The following DDX54 variants were observed in gnomAD, a reference collection of about 807,000 sequenced individuals.
DDX54 encodes the protein ATP-dependent RNA helicase DDX54.
A neutral mutation model predicts 105.5 loss-of-function variants in DDX54; 67 were observed. The observed-to-expected ratio is 0.64, with a 90% CI of 0.52 to 0.78. DDX54 has a LOEUF of 0.78. DDX54 is among the 30% of genes least tolerant of loss of function. The pLI is 0.00. For missense variants in DDX54, 1,206 were observed against 1,230.5 expected, an observed-to-expected ratio of 0.98 and a Z score of 0.30; for synonymous variants, 514 against 509.9, an observed-to-expected ratio of 1.01 and a Z score of -0.11.
At chr12:113,171,801 G>C (rs1952343001) in intron 11 of DDX54, among the ~76,000 whole-genome samples, 1 of 152,110 alleles carries the variant, frequency 6.6e-6, no homozygotes, top group African/African-American at 2.4e-5. Context: ...GAGCAATGGG[G>C]GACAGTGATC....
chr12:113,180,067 A>C, intron 2 of DDX54, 62 bp from the exon 3 acceptor site: 1 of 1,488,300 alleles, frequency 6.7e-7, no homozygotes, highest in Non-Finnish European at 9.4e-7. Context: ...ACCCCAGAGA[A>C]CTTTACAGGA....
chr12:113,163,939 G>A lies in DDX54; in HGVS notation c.1938+128C>T, dbSNP rs771053168. ...ACAAGAACCATGCCCCGACTCTGCA[G>A]ATGGGAAGCTGACTGCATCCACCTC... On this transcript the variant is annotated intron_variant, in intron 15 of 19. Transcript: ENST00000306014. The surrounding 1 kb of genome is among the most constrained non-coding windows in gnomAD (Gnocchi z 5.9). The A allele has an allele frequency of 9.1e-6, 13 of 1,422,598 alleles. No homozygotes were observed. The highest frequency in any genetic ancestry group is 1.2e-5 in the Non-Finnish European group (13 of 1,087,990). 88.1% of individuals were successfully genotyped at this position (1,422,598 alleles called of 1,614,324 possible). A position where few individuals can be genotyped will look rare whatever the true frequency, so the allele number is the denominator to read the frequency against.
chr12:113,163,236 C>T lies in DDX54; in HGVS notation c.1977G>A (p.Arg659=), dbSNP rs765185495. The T allele has an allele frequency of 6.2e-7, 1 of 1,611,184 alleles. No individual in the cohort carries two copies. The highest frequency in any genetic ancestry group is 1.1e-5 in the South Asian group (1 of 91,084). ...FSEVVGRKRQ[R]SGPNRGAKRR... Reference sequence around the variant, plus strand: ...TCTTGGCTCCCCTGTTGGGTCCTGACCGCTGCCGCTTCCGGCCCACGACCT... The same window carrying T: ...TCTTGGCTCCCCTGTTGGGTCCTGATCGCTGCCGCTTCCGGCCCACGACCT... The change falls in exon 16 of 20, where the codon CGG becomes CGA. Residue 659 remains arginine (R), a synonymous_variant. Transcript: ENST00000306014. This position sits in a 1 kb window ranked among gnomAD's most constrained non-coding sequence, Gnocchi z 5.9.
intron 11 of DDX54, among the ~76,000 whole-genome samples, chr12:113,170,124 C>T (rs541598980): frequency 6.6e-6 from 1 of 152,326 alleles, no homozygotes; most frequent in South Asian, 2.1e-4. Context: ...AGCAAAAATA[C>T]AGCAAGGCCC....
At position 113,165,859 on chromosome 12, in the gene DDX54, A is replaced by T. The variant is rs769033618; in HGVS notation, c.1588T>A (p.Ser530Thr). 1 of 1,613,358 alleles carries T rather than the reference A, an allele frequency of 6.2e-7. No homozygotes were observed. Among genetic ancestry groups the T allele is most frequent in the Non-Finnish European group, 8.5e-7 (1 of 1,179,826 alleles). ...TCCATCTCCTTGGCCCTCTTGATGG[A>T]CTCAGGCGAGGGCGCCGGGCGTGAG... ...VRSRPAPSPESIKRAKEMDLV... is the reference protein window; with the variant it reads ...VRSRPAPSPETIKRAKEMDLV... Residue 530 changes from serine (S) to threonine (T), a missense_variant, in exon 13 of 20, where the codon TCC becomes ACC. Ser to Thr is a moderately conservative substitution (Grantham distance 58). Around this residue, in one of 3 missense-constraint regions of DDX54, gnomAD observed 961 missense variants for 1,019.1 expected, o/e 0.94. Coordinates refer to ENST00000306014, the MANE Select transcript of DDX54 (RefSeq NM_024072.4).
chr12:113,184,207 A>C (rs1952498888), intron 1 of DDX54, among the ~76,000 whole-genome samples: 2 of 152,080 alleles, frequency 1.3e-5, no homozygotes, highest in Admixed American at 1.3e-4. Flanking sequence ...CAGCCTCCTA[A>C]AGTGCTGGGA....
At chr12:113,166,179 G>C (rs933624783) in intron 12 of DDX54, 147 bp from the exon 13 acceptor site, 4 of 817,640 alleles carry the variant, frequency 4.9e-6, no homozygotes, top group Non-Finnish European at 7.5e-6. Context: ...CAGCACTCAG[G>C]GAGGAGCTAG....
At chr12:113,161,432 G>A (rs774994595) in intron 18 of DDX54, 50 bp from the exon 19 acceptor site, 1 of 1,459,892 alleles carries the variant, frequency 6.8e-7, no homozygotes, top group Non-Finnish European at 9.5e-7. Flanking sequence ...GATGGGAGAA[G>A]GCTCCTCCCC....
chr12:113,169,660 A>C (rs1488931890), intron 12 of DDX54, 110 bp downstream of exon 12: 3 of 1,279,978 alleles, frequency 2.3e-6, no homozygotes, highest in Non-Finnish European at 3.2e-6. Flanking sequence ...TAAAATAAAT[A>C]AAAGGAATCA....
rs1952270454 is a variant in DDX54, at chr12:113,165,996, G to A, written c.1451C>T (p.Pro484Leu). ...AGVDGMLGRV[P>L]QSVVDEEDSG... is the part of the protein sequence containing the mutation. ...GTCCTCCTCGTCCACCACACTCTGT[G>A]GCACCCGACCCAGCATGCCATCCAC... Residue 484 changes from proline (P) to leucine (L), a missense_variant, in exon 13 of 20, where the codon CCA becomes CTA. By Grantham distance (98) the Pro-to-Leu change is moderately conservative. This residue lies in a region of DDX54 where 961 missense variants were observed against 1,019.1 expected (regional missense o/e 0.94). Transcript: ENST00000306014. 2.5e-6 allele frequency: 4 copies of A among 1,610,984 alleles called. No individual in the cohort carries two copies. The highest frequency in any genetic ancestry group is 2.7e-5 in the African/African-American group (2 of 74,932).
At chr12:113,181,491 T>G (rs1245764833) in intron 1 of DDX54, among the ~76,000 whole-genome samples, 1 of 151,144 alleles carries the variant, frequency 6.6e-6, no homozygotes, top group Non-Finnish European at 1.5e-5. Context: ...TTTTTTTTTT[T>G]GTAGAGATGA....
chr12:113,184,270 C>CG (rs370776608), intron 1 of DDX54, among the ~76,000 whole-genome samples: 28 of 151,930 alleles, frequency 1.8e-4, no homozygotes, highest in Middle Eastern at 3.4e-3. Context: ...TTTGTAGAGA[C>CG]GGGGTCTGCC....
chr12:113,183,178 T>C (rs1005788769), intron 1 of DDX54, among the ~76,000 whole-genome samples: 2 of 152,146 alleles, frequency 1.3e-5, no homozygotes, highest in African/African-American at 4.8e-5. Context: ...TTGAAACATA[T>C]ATAATCATTT....
intron 10 of DDX54, among the ~76,000 whole-genome samples, chr12:113,174,397 G>A (rs1033058508): frequency 2.0e-5 from 3 of 152,118 alleles, no homozygotes; most frequent in Non-Finnish European, 4.4e-5. Context: ...TGAGGCGGGA[G>A]AATTGTTTGA....
intron 10 of DDX54, 139 bp downstream of exon 10, chr12:113,174,501 T>A: frequency 8.5e-6 from 11 of 1,287,628 alleles, no homozygotes; most frequent in Non-Finnish European, 1.1e-5. Context: ...AAATAAAAAA[T>A]AAAAATAAAA....
intron 17 of DDX54, among the ~76,000 whole-genome samples, chr12:113,162,466 A>G (rs541450272): frequency 6.6e-6 from 1 of 152,296 alleles, no homozygotes; most frequent in South Asian, 2.1e-4. Flanking sequence ...AGGGGCCATC[A>G]CACCTGCTGT....
chr12:113,168,087 C>T (rs960352467), intron 12 of DDX54: 15 of 382,450 alleles, frequency 3.9e-5, no homozygotes, highest in Non-Finnish European at 6.3e-5. Context: ...CAGGCCGCCC[C>T]CCACCCCGGC....
At chr12:113,164,404 G>A in intron 14 of DDX54, 119 bp from the exon 15 acceptor site, 1 of 1,254,088 alleles carries the variant, frequency 8.0e-7, no homozygotes, top group Non-Finnish European at 1.1e-6. Flanking sequence ...TCCATTATCT[G>A]CACTTCACAA....
At chr12:113,179,519 G>A (rs879792712) in intron 3 of DDX54, among the ~76,000 whole-genome samples, 188 bp from the exon 4 acceptor site, 3 of 152,192 alleles carry the variant, frequency 2.0e-5, no homozygotes, top group Admixed American at 1.3e-4. Flanking sequence ...AAGGATGAGC[G>A]GCTCACTACC....
Sources: gnomAD v4.1 joint callset for allele counts (sites outside exome capture counted in the v4.1 genomes callset) on GRCh38, gnomAD v4.1.1 for gene constraint, gnomAD v4.1.1 regional missense constraint, Gnocchi (gnomAD v3.1) non-coding constraint, MANE v1.5 for transcripts, NCBI Gene and HGNC (gene_info 2026-07-23, HGNC 2026-07-21) for gene names.